TM2D1: variants seen among roughly 807,000 people sequenced by gnomAD.
TM2D1 encodes the protein TM2 domain containing 1, also known as TM2 domain-containing protein 1.
Under a neutral mutation model 28.4 loss-of-function variants are expected in TM2D1, and 15 were observed. The ratio of observed to expected loss-of-function variants is 0.53; its 90% CI spans 0.35 to 0.81. TM2D1 has a LOEUF of 0.81. TM2D1 is among the 40% of genes least tolerant of loss of function. TM2D1 has a pLI of 0.01. For missense variants in TM2D1, 236 were observed against 254.9 expected (o/e 0.93, Z 0.50); for synonymous variants, 93 against 96.2 (o/e 0.97, Z 0.20).
At chr1:61,714,807 C>T (rs1050663387) in intron 2 of TM2D1, among the ~76,000 whole-genome samples, 2 of 152,146 alleles carry the variant, frequency 1.3e-5, no homozygotes, top group African/African-American at 2.4e-5. Context: ...CCACCCATTT[C>T]GGCCTCCCAA....
chr1:61,690,456 C>CAAAAAAAAAAAAAAAAAAAAAAAAA (rs762550068), intron 5 of TM2D1, among the ~76,000 whole-genome samples: 3 of 60,034 alleles, frequency 5.0e-5, no homozygotes, highest in African/African-American at 6.4e-5. Context: ...GACTCAGTCT[C>CAAAAAAAAAAAAAAAAAAAAAAAAA]AAAAAAAAAA....
intron 3 of TM2D1, 23 bp downstream of exon 3, chr1:61,709,291 AAGTAATCTGAAAATT>A (rs369460362): frequency 0.014 from 17,787 of 1,278,584 alleles, 156 homozygotes; most frequent in Admixed American, 0.031. Context: ...TAATATAGGC[AAGTAATCTGAAAATT>A]TAAGTTTCAG....
intron 2 of TM2D1, among the ~76,000 whole-genome samples, chr1:61,712,283 A>G (rs1399437911): frequency 1.3e-5 from 2 of 152,182 alleles, no homozygotes; most frequent in East Asian, 3.8e-4. Context: ...GTCATCTTCA[A>G]AAAAATTCTG....
chr1:61,686,419 G>A (rs1297447844), intron 5 of TM2D1, among the ~76,000 whole-genome samples: 1 of 152,170 alleles, frequency 6.6e-6, no homozygotes, highest in Admixed American at 6.5e-5. Context: ...CACTTTGGGA[G>A]GCCAAGGTGG....
intron 5 of TM2D1, among the ~76,000 whole-genome samples, chr1:61,690,456 C>CAAAAAAAAAAAAAAAAA (rs762550068): frequency 3.3e-5 from 2 of 60,036 alleles, no homozygotes; most frequent in East Asian, 6.4e-4. Context: ...GACTCAGTCT[C>CAAAAAAAAAAAAAAAAA]AAAAAAAAAA....
chr1:61,685,137 A>G (rs1399811535), intron 5 of TM2D1, among the ~76,000 whole-genome samples: 1 of 152,176 alleles, frequency 6.6e-6, no homozygotes, highest in African/African-American at 2.4e-5. Flanking sequence ...AAAATATATT[A>G]TATTAGGATA....
intron 2 of TM2D1, among the ~76,000 whole-genome samples, chr1:61,716,533 G>T (rs1486172283): frequency 7.2e-6 from 1 of 138,734 alleles, no homozygotes; most frequent in Non-Finnish European, 1.5e-5. Context: ...AATTATATAT[G>T]TGTATAATTT....
At chr1:61,705,386 A>G (rs971030953) in intron 3 of TM2D1, among the ~76,000 whole-genome samples, 18 of 152,014 alleles carry the variant, frequency 1.2e-4, no homozygotes, top group Admixed American at 6.6e-5. Context: ...GGGTTTTACC[A>G]TATTGGCCAG....
intron 2 of TM2D1, among the ~76,000 whole-genome samples, chr1:61,714,496 G>A (rs866862825): frequency 5.3e-5 from 8 of 151,968 alleles, no homozygotes; most frequent in East Asian, 1.9e-4. Context: ...AGCTGAGGTC[G>A]CGCCACTGCA....
chr1:61,701,556 C>CGTGTGTGTGTGTGTGTGTGTGTGT (rs60257971), intron 3 of TM2D1, among the ~76,000 whole-genome samples: 2 of 145,842 alleles, frequency 1.4e-5, no homozygotes, highest in African/African-American at 5.1e-5. Context: ...AATTCTCTTT[C>CGTGTGTGTGTGTGTGTGTGTGTGT]GTGTGTGTGT....
intron 4 of TM2D1, chr1:61,697,799 C>T (rs1644374720): frequency 6.6e-6 from 1 of 152,090 alleles, no homozygotes; most frequent in Admixed American, 6.6e-5. Flanking sequence ...TTGTTAGTTC[C>T]TTAAACTTTT....
chr1:61,716,856 TTC>T (rs1207049215), intron 2 of TM2D1, among the ~76,000 whole-genome samples: 1 of 152,106 alleles, frequency 6.6e-6, no homozygotes, highest in Non-Finnish European at 1.5e-5. Flanking sequence ...ATATTTCTTT[TTC>T]TTTCCTTTCA....
intron 5 of TM2D1, among the ~76,000 whole-genome samples, chr1:61,686,455 G>A (rs12065618): frequency 6.6e-5 from 10 of 151,710 alleles, no homozygotes; most frequent in Admixed American, 1.3e-4. Flanking sequence ...CCAGGAGTTC[G>A]AGACCAGTCT....
At chr1:61,691,664 C>T (rs2148038092) in intron 5 of TM2D1, among the ~76,000 whole-genome samples, 1 of 150,884 alleles carries the variant, frequency 6.6e-6, no homozygotes, top group Admixed American at 6.6e-5. Flanking sequence ...GCCTATAATC[C>T]CAGCACTGTG....
At chr1:61,721,321 C>G (rs1452589279) in intron 2 of TM2D1, among the ~76,000 whole-genome samples, 1 of 151,988 alleles carries the variant, frequency 6.6e-6, no homozygotes, top group Non-Finnish European at 1.5e-5. Context: ...GCAGGTGGAT[C>G]ACCTGAGGTC....
chr1:61,712,627 T>C (rs1233717404), intron 2 of TM2D1, among the ~76,000 whole-genome samples: 5 of 151,888 alleles, frequency 3.3e-5, no homozygotes, highest in Non-Finnish European at 1.5e-5. Context: ...GCTAGGCTAG[T>C]CTCGAACTCC....
chr1:61,718,180 G>A (rs959315810), intron 2 of TM2D1, among the ~76,000 whole-genome samples: 3 of 152,066 alleles, frequency 2.0e-5, no homozygotes, highest in African/African-American at 7.2e-5. Flanking sequence ...TTAGCTGGGC[G>A]TGGTGAGGCT....
chr1:61,718,276 T>A, intron 2 of TM2D1, among the ~76,000 whole-genome samples: 1 of 143,394 alleles, frequency 7.0e-6, no homozygotes. Context: ...AGTGACAGAG[T>A]GAGACCCCAT....
intron 3 of TM2D1, among the ~76,000 whole-genome samples, chr1:61,708,133 CA>C (rs1459990248): frequency 6.6e-6 from 1 of 152,118 alleles, no homozygotes; most frequent in African/African-American, 2.4e-5. Flanking sequence ...ACTACAACCT[CA>C]AACTCCTGGG....
Sources: allele counts gnomAD v4.1 joint callset (sites outside exome capture counted in the v4.1 genomes callset), GRCh38; gene constraint gnomAD v4.1.1; transcripts MANE v1.5; gene names NCBI Gene and HGNC (gene_info 2026-07-23, HGNC 2026-07-21).